The following INPP4B variants were observed in gnomAD, a reference collection of about 807,000 sequenced individuals.
INPP4B encodes inositol polyphosphate 4-phosphatase type II.
In INPP4B, 55 loss-of-function variants were observed where a neutral mutation model predicts 122.5. The observed-to-expected ratio is 0.45, with a 90% CI of 0.36 to 0.56. INPP4B has a LOEUF of 0.56. INPP4B is among the 20% of genes least tolerant of loss of function. The pLI, the probability that INPP4B is intolerant of heterozygous loss-of-function variation, is 0.00. For missense variants in INPP4B, 1,000 were observed against 1,097.7 expected (o/e 0.91, Z 1.26); for synonymous variants, 403 against 388.7 (o/e 1.04, Z -0.43).
At chr4:142,845,536 A>C (rs565332985) in intron 1 of INPP4B, among the ~76,000 whole-genome samples, 1 of 152,234 alleles carries the variant, frequency 6.6e-6, no homozygotes, top group Admixed American at 6.5e-5. Context: ...GAAGGACAAG[A>C]GATGCTGCCT....
chr4:142,262,840 A>C lies in INPP4B; in HGVS notation c.616-2276T>G, dbSNP rs551464638. Among the ~76,000 whole-genome samples, 6 of 152,238 alleles carry C rather than the reference A, an allele frequency of 3.9e-5. No homozygotes were observed. The South Asian group carries it at 8.3e-4, about 21-fold the overall frequency. ...GAGACTGGTCACTAGCCACTCAAAGACTCCACCTTTCCTCTGAGCACTGCT... is the reference window on the plus strand; with the variant it reads ...GAGACTGGTCACTAGCCACTCAAAGCCTCCACCTTTCCTCTGAGCACTGCT... On this transcript the variant is annotated intron_variant, in intron 10 of 25. Transcript: ENST00000262992.
intron 1 of INPP4B, among the ~76,000 whole-genome samples, chr4:142,739,933 C>A (rs928979363): frequency 6.6e-6 from 1 of 151,982 alleles, no homozygotes; most frequent in African/African-American, 2.4e-5. Flanking sequence ...ACATGAAGAA[C>A]AATTTTCCCA....
At chr4:142,560,422 A>T (rs1730198442) in intron 2 of INPP4B, 4 of 152,214 alleles carry the variant, frequency 2.6e-5, no homozygotes, top group Non-Finnish European at 5.9e-5. Context: ...ATAGATGTAC[A>T]TATGAAGGGG....
chr4:142,415,638 C>G (rs1299321352), intron 5 of INPP4B, among the ~76,000 whole-genome samples: 1 of 151,984 alleles, frequency 6.6e-6, no homozygotes, highest in Non-Finnish European at 1.5e-5. Flanking sequence ...TTTGACCCAG[C>G]AATCCCATTA....
chr4:142,509,475 G>T (rs961631675), intron 2 of INPP4B, among the ~76,000 whole-genome samples: 2 of 152,046 alleles, frequency 1.3e-5, no homozygotes, highest in Non-Finnish European at 2.9e-5. Context: ...AGAACATGCA[G>T]TGTTTGGTTT....
In INPP4B at chr4:142,114,117, A is replaced by T. The variant is rs116817192; in HGVS notation, c.2136-1435T>A. ...CACCTAGCATAATGTTTTTGAAGTC[A>T]TCCATGTTGTGGCATGTATCAGTAG... On this transcript the variant is annotated intron_variant, in intron 21 of 25. Transcript: ENST00000262992. Among the ~76,000 whole-genome samples, 1,212 of 152,186 alleles carry T rather than the reference A, an allele frequency of 8.0e-3. 17 individuals carry two copies. The highest frequency in any genetic ancestry group is 0.027 in the African/African-American group (1,119 of 41,546).
At chr4:142,450,975 T>TC (rs34678278) in intron 3 of INPP4B, among the ~76,000 whole-genome samples, 18,448 of 145,890 alleles carry the variant, frequency 0.13, 1,457 homozygotes, top group East Asian at 0.36. Context: ...TAAAATTAAC[T>TC]CCCCCCCCCA....
intron 2 of INPP4B, among the ~76,000 whole-genome samples, chr4:142,556,831 GT>G (rs1729300431): frequency 6.6e-6 from 1 of 152,188 alleles, no homozygotes; most frequent in African/African-American, 2.4e-5. Context: ...GCAGGGGAAA[GT>G]ATCGATTGCA....
chr4:142,084,185 T>A (rs931346796), intron 24 of INPP4B, among the ~76,000 whole-genome samples: 14 of 152,306 alleles, frequency 9.2e-5, no homozygotes, highest in African/African-American at 2.9e-4. Flanking sequence ...GTGCTGTGGC[T>A]CAATTTCAGC....
At chr4:142,290,294 C>T (rs1755850761) in intron 9 of INPP4B, among the ~76,000 whole-genome samples, 1 of 135,748 alleles carries the variant, frequency 7.4e-6, no homozygotes, top group African/African-American at 2.8e-5. Context: ...GCAACTTCTG[C>T]TACCCAGGTT....
In INPP4B at chr4:142,748,668, G is replaced by GA. The variant is rs201227368; in HGVS notation, c.-253-22768dup. ...AACTCAACTTATCCAAACTGAATCAGAAAAAAAAAATAGAAAATTGAATGA... is the reference window on the plus strand; with the variant it reads ...AACTCAACTTATCCAAACTGAATCAGAAAAAAAAAAATAGAAAATTGAATGA... On this transcript the variant is annotated intron_variant, in intron 1 of 25. Transcript: ENST00000262992. Among the ~76,000 whole-genome samples the GA allele has an allele frequency of 7.3e-3, 1,047 of 144,310 alleles. 8 individuals are homozygous for GA. The highest frequency in any genetic ancestry group is 8.0e-3 in the Non-Finnish European group (525 of 65,578). The allele number at this position is 144,310 out of a possible 152,430, so 94.7% of individuals were successfully genotyped here. A position where few individuals can be genotyped will look rare whatever the true frequency, so the allele number is the denominator to read the frequency against.
chr4:142,094,478 G>A (rs1456096960), intron 23 of INPP4B, among the ~76,000 whole-genome samples: 1 of 152,136 alleles, frequency 6.6e-6, no homozygotes, highest in Non-Finnish European at 1.5e-5. Context: ...GACTAAGAAT[G>A]GATTTCTCAA....
intron 2 of INPP4B, among the ~76,000 whole-genome samples, chr4:142,664,895 A>T (rs1358251964): frequency 6.6e-6 from 1 of 152,188 alleles, no homozygotes; most frequent in African/African-American, 2.4e-5. Context: ...CCAACATCAT[A>T]GAGTGTATTT....
At chr4:142,371,369 G>T (rs1178209725) in intron 7 of INPP4B, among the ~76,000 whole-genome samples, 3 of 152,194 alleles carry the variant, frequency 2.0e-5, no homozygotes, top group African/African-American at 7.2e-5. Context: ...TCTAGGAAAA[G>T]ATTTTATGGC....
intron 12 of INPP4B, among the ~76,000 whole-genome samples, chr4:142,232,255 CTG>C (rs1199241793): frequency 6.6e-6 from 1 of 152,196 alleles, no homozygotes; most frequent in East Asian, 1.9e-4. Flanking sequence ...TTCACAGATA[CTG>C]TGTTTTTTTG....
chr4:142,099,290 C>G (rs1783444358), intron 23 of INPP4B, among the ~76,000 whole-genome samples: 1 of 152,076 alleles, frequency 6.6e-6, no homozygotes, highest in Non-Finnish European at 1.5e-5. Flanking sequence ...ATTGCCAATC[C>G]CTTTTACACA....
At chr4:142,808,808 G>T (rs1404593577) in intron 1 of INPP4B, among the ~76,000 whole-genome samples, 2 of 152,002 alleles carry the variant, frequency 1.3e-5, no homozygotes, top group African/African-American at 4.8e-5. Context: ...TTATAGTAAA[G>T]ATTTTGAATC....
intron 9 of INPP4B, among the ~76,000 whole-genome samples, chr4:142,299,156 CT>C (rs1010706761): frequency 2.4e-3 from 250 of 104,566 alleles, no homozygotes; most frequent in African/African-American, 3.3e-3. Flanking sequence ...TTCTTTCTTT[CT>C]TTTTTTTTTT....
intron 1 of INPP4B, among the ~76,000 whole-genome samples, chr4:142,758,701 T>C (rs331948): frequency 0.36 from 55,168 of 151,994 alleles, 10,240 homozygotes; most frequent in South Asian, 0.48. Context: ...ACCTGTAAGC[T>C]CAGCGCTTTG....
Sources: gnomAD v4.1 joint callset for allele counts (sites outside exome capture counted in the v4.1 genomes callset) on GRCh38, gnomAD v4.1.1 for gene constraint, MANE v1.5 for transcripts, NCBI Gene and HGNC (gene_info 2026-07-23, HGNC 2026-07-21) for gene names.